TMEM131: variants seen among roughly 807,000 people sequenced by gnomAD.
TMEM131 encodes transmembrane protein 131, also known as 2610524E03Rik.
A neutral mutation model predicts 211.6 loss-of-function variants in TMEM131; 66 were observed. The ratio of observed to expected loss-of-function variants is 0.31; its 90% confidence interval spans 0.26 to 0.38. The LOEUF is 0.38. Among genes scored for constraint, TMEM131 ranks in the 10% least tolerant of loss-of-function variants. The probability of loss-of-function intolerance (pLI) is 1.00; values close to 1 mark genes in which losing one functional copy is unlikely to be tolerated. For missense variants in TMEM131, 2,036 were observed against 2,299.3 expected, an observed-to-expected ratio of 0.89 and a Z score of 2.34; for synonymous variants, 844 against 841.3, an observed-to-expected ratio of 1.00 and a Z score of -0.06.
rs771542447 is a variant in TMEM131 at position 97,766,113 on chromosome 2, C to G, written c.4723+1G>C. On this transcript the variant is annotated splice_donor_variant, in intron 35 of 40. Transcript: ENST00000186436. LOFTEE classifies it high-confidence loss of function. Reference sequence around the variant, plus strand: ...TGTGGTTTCTAAACTACTATACTTACAGCTGCCAGGTTTGTGAACTGGAAC... The same window carrying G: ...TGTGGTTTCTAAACTACTATACTTAGAGCTGCCAGGTTTGTGAACTGGAAC... 1.9e-6 allele frequency: 3 copies of G among 1,613,974 alleles called. No individual in the cohort carries two copies. Among genetic ancestry groups the G allele is most frequent in the Admixed American group, 3.3e-5 (2 of 60,028 alleles).
chr2:97,902,561 CAT>C (rs978791738), intron 3 of TMEM131, among the ~76,000 whole-genome samples: 11 of 152,138 alleles, frequency 7.2e-5, no homozygotes, highest in East Asian at 1.9e-4. Context: ...TACACATAAA[CAT>C]AAACATTTTC....
intron 31 of TMEM131, among the ~76,000 whole-genome samples, chr2:97,789,088 T>C (rs1301637259): frequency 3.3e-5 from 5 of 152,304 alleles, no homozygotes; most frequent in African/African-American, 9.6e-5. Flanking sequence ...CACAGTGACT[T>C]GGTCTCAGTC....
chr2:97,862,488 T>C (rs138249822), intron 4 of TMEM131, among the ~76,000 whole-genome samples: 1,819 of 151,884 alleles, frequency 0.012, 40 homozygotes, highest in African/African-American at 0.041. Flanking sequence ...CAAGATAACA[T>C]AGAGAAGGAA....
chr2:97,814,130 G>A lies in TMEM131; in HGVS notation c.1458C>T (p.Phe486=), dbSNP rs778029258. The change falls in exon 15 of 41, where the codon TTC becomes TTT. Residue 486 remains phenylalanine, a synonymous_variant. Transcript: ENST00000186436. ...TAGGAAGAATTAAGACTGGTTTGCT[G>A]AAGTTGTGAACCTGAGAAATGACAG... ...EAKTMFKVHN[F]SKPVLILPNE... 1.2e-6 allele frequency: 2 copies of A among 1,612,084 alleles called. No homozygotes were observed. Among genetic ancestry groups the A allele is most frequent in the Non-Finnish European group, 1.7e-6 (2 of 1,178,902 alleles).
chr2:97,932,299 G>A (rs1573575815), intron 1 of TMEM131, among the ~76,000 whole-genome samples: 3 of 152,100 alleles, frequency 2.0e-5, no homozygotes, highest in African/African-American at 7.2e-5. Context: ...GGGTCCCTTC[G>A]AGCTTAAAGA....
chr2:97,814,390 T>A lies in TMEM131; in HGVS notation c.1293-2A>T, dbSNP rs777067727. ...GCAGCATGATCAAATCCCAAATAAC[T>A]ATTAAAAAAAACAACAAGAACAAAA... is the stretch of plus-strand genomic sequence containing the variant. On this transcript the variant is annotated splice_acceptor_variant, in intron 13 of 40. Coordinates refer to ENST00000186436, the MANE Select transcript of TMEM131 (RefSeq NM_015348.2). LOFTEE classifies it high-confidence loss of function. 6.3e-7 allele frequency: 1 copy of A among 1,578,340 alleles called. No homozygotes were observed.
chr2:97,943,339 A>C (rs1320171185), intron 1 of TMEM131, among the ~76,000 whole-genome samples: 1 of 152,230 alleles, frequency 6.6e-6, no homozygotes, highest in African/African-American at 2.4e-5. Flanking sequence ...CTGATACATA[A>C]ATCAGACACG....
At chr2:97,978,631 G>A (rs143707457) in intron 1 of TMEM131, among the ~76,000 whole-genome samples, 256 of 152,142 alleles carry the variant, frequency 1.7e-3, no homozygotes, top group Admixed American at 3.0e-3. Flanking sequence ...TATTCCTCCC[G>A]CCTAGGCCTC....
chr2:97,905,854 C>T (rs1676044409), intron 3 of TMEM131, among the ~76,000 whole-genome samples: 1 of 152,154 alleles, frequency 6.6e-6, no homozygotes, highest in Non-Finnish European at 1.5e-5. Context: ...TCAAGATAAG[C>T]CTCTGTAGCA....
intron 4 of TMEM131, among the ~76,000 whole-genome samples, chr2:97,885,421 C>T (rs6710088): frequency 0.36 from 46,804 of 128,868 alleles, 8,554 homozygotes; most frequent in Non-Finnish European, 0.42. Context: ...GTCTTGATCT[C>T]CTGACCTTGT....
intron 1 of TMEM131, among the ~76,000 whole-genome samples, chr2:97,983,705 C>T (rs1679904141): frequency 6.6e-6 from 1 of 152,050 alleles, no homozygotes; most frequent in South Asian, 2.1e-4. Flanking sequence ...AAGCAGGGAG[C>T]TCTCCTCTTC....
chr2:97,888,564 A>T (rs1441233019), intron 3 of TMEM131, among the ~76,000 whole-genome samples: 1 of 152,244 alleles, frequency 6.6e-6, no homozygotes, highest in East Asian at 1.9e-4. Flanking sequence ...TGAATTTGGG[A>T]TACAAACTTC....
chr2:97,860,396 C>A (rs1222165919), intron 4 of TMEM131, among the ~76,000 whole-genome samples: 2 of 152,162 alleles, frequency 1.3e-5, no homozygotes, highest in Non-Finnish European at 2.9e-5. Flanking sequence ...CAAATATACA[C>A]CCTTCTTTCA....
chr2:97,967,972 A>G (rs558757462), intron 1 of TMEM131, among the ~76,000 whole-genome samples: 12 of 151,728 alleles, frequency 7.9e-5, no homozygotes, highest in Non-Finnish European at 1.6e-4. Context: ...GACACATAAC[A>G]AGGCTATAAT....
At chr2:97,867,967 CTT>C (rs1478708492) in intron 4 of TMEM131, among the ~76,000 whole-genome samples, 1 of 152,150 alleles carries the variant, frequency 6.6e-6, no homozygotes, top group Non-Finnish European at 1.5e-5. Context: ...ACTTTAATAA[CTT>C]TTTAAAAAAT....
At chr2:97,909,118 A>G (rs1047787363) in intron 2 of TMEM131, among the ~76,000 whole-genome samples, 1 of 152,322 alleles carries the variant, frequency 6.6e-6, no homozygotes, top group African/African-American at 2.4e-5. Context: ...CTGAAATAGG[A>G]TTATCAAAAT....
rs1678540827 is a variant in TMEM131 at position 97,757,244 on chromosome 2, T to C, written c.5507A>G (p.Asn1836Ser). The change falls in exon 41 of 41, where the codon AAC becomes AGC. Residue 1836 changes from asparagine to serine, a missense_variant. Physicochemically the swap from Asn to Ser is conservative, Grantham distance 46 (BLOSUM62 1). This residue lies in a region of TMEM131 where 1,623 missense variants were observed against 1,805.9 expected (regional missense o/e 0.90). Coordinates refer to ENST00000186436, the MANE Select transcript of TMEM131 (RefSeq NM_015348.2). ...GGAGGGAGCGTGAGGAGCAGGGGAG[T>C]TTTCTGTGCCCATGAGGCCGATGCT... ...LASIGLMGTE[N>S]SPAPHAPSTS... 6.2e-7 allele frequency: 1 copy of C among 1,611,800 alleles called. No individual in the cohort carries two copies. The highest frequency in any genetic ancestry group is 2.2e-5 in the East Asian group (1 of 44,816).
intron 2 of TMEM131, among the ~76,000 whole-genome samples, chr2:97,920,406 T>C (rs2104415728): frequency 6.6e-6 from 1 of 152,278 alleles, no homozygotes; most frequent in Middle Eastern, 3.4e-3. Flanking sequence ...TAAATAGCAC[T>C]GTATTAACAT....
At chr2:97,807,557 GCA>G (rs1479840133) in intron 19 of TMEM131, among the ~76,000 whole-genome samples, 2 of 152,318 alleles carry the variant, frequency 1.3e-5, no homozygotes, top group African/African-American at 2.4e-5. Context: ...CATGCTTCCT[GCA>G]CAGTCTCCAG....
Sources: gnomAD v4.1 joint callset for allele counts (sites outside exome capture counted in the v4.1 genomes callset) on GRCh38, gnomAD v4.1.1 for gene constraint, gnomAD v4.1.1 regional missense constraint, MANE v1.5 for transcripts, NCBI Gene and HGNC (gene_info 2026-07-23, HGNC 2026-07-21) for gene names.